The following PTPRZ1 variants were observed in gnomAD, a reference collection of about 807,000 sequenced individuals.
PTPRZ1 encodes protein tyrosine phosphatase receptor type Z1.
A neutral mutation model predicts 214.1 loss-of-function variants in PTPRZ1; 82 were observed. That is an observed-to-expected ratio of 0.38 (90% confidence interval 0.32 to 0.46). PTPRZ1 has a LOEUF of 0.46. Among genes scored for constraint, PTPRZ1 ranks in the 20% least tolerant of loss-of-function variants. PTPRZ1 has a pLI of 1.00. For synonymous variants in PTPRZ1, 945 were observed against 987.9 expected (o/e 0.96, Z 0.81); for missense variants, 2,603 against 2,748.7 (o/e 0.95, Z 1.19).
intron 13 of PTPRZ1, among the ~76,000 whole-genome samples, chr7:122,019,884 A>C (rs1798964289): frequency 6.6e-6 from 1 of 152,148 alleles, no homozygotes; most frequent in South Asian, 2.1e-4. Context: ...CCCATCATAA[A>C]ATTTCCATCC....
At position 122,019,148 on chromosome 7, in the gene PTPRZ1, C is replaced by G; in HGVS notation, c.4868C>G (p.Ser1623Cys). The G allele has an allele frequency of 6.2e-7, 1 of 1,612,166 alleles. No individual in the cohort carries two copies. The highest frequency in any genetic ancestry group is 1.1e-5 in the South Asian group (1 of 91,024). The change falls in exon 13 of 30, where the codon TCT (serine) becomes TGT (cysteine). Residue 1623 changes from serine (S) to cysteine (C), a missense_variant. Around this residue, in one of 6 missense-constraint regions of PTPRZ1, gnomAD observed 1,913 missense variants for 1,914.3 expected, o/e 1.00. Coordinates refer to ENST00000393386, the MANE Select transcript of PTPRZ1 (RefSeq NM_002851.3). ...GAGGCCAGTAATAGTAGCCATGAGT[C>G]TCGTATTGGTCTAGCTGAGGGGTTG... The part of the protein sequence containing the change: ...EAEASNSSHE[S>C]RIGLAEGLES...
chr7:122,003,309 T>C (rs1427336024), intron 10 of PTPRZ1, among the ~76,000 whole-genome samples: 3 of 152,186 alleles, frequency 2.0e-5, no homozygotes, highest in Non-Finnish European at 4.4e-5. Context: ...GTGAGTACTT[T>C]CCTTTTTAAA....
chr7:122,023,359 G>A (rs1430936858), intron 13 of PTPRZ1, among the ~76,000 whole-genome samples: 1 of 150,246 alleles, frequency 6.7e-6, no homozygotes, highest in African/African-American at 2.5e-5. Context: ...TACCCACCTA[G>A]GACTTGGTTT....
At chr7:122,049,782 G>T (rs2150487310) in intron 23 of PTPRZ1, among the ~76,000 whole-genome samples, 2 of 152,202 alleles carry the variant, frequency 1.3e-5, no homozygotes, top group South Asian at 2.1e-4. Flanking sequence ...ATGTAGAACA[G>T]ATTTTAATTT....
intron 6 of PTPRZ1, among the ~76,000 whole-genome samples, chr7:121,978,078 C>T (rs1434401326): frequency 3.3e-5 from 5 of 152,114 alleles, no homozygotes; most frequent in Non-Finnish European, 7.4e-5. Flanking sequence ...GGCACTCATA[C>T]GAGCTTGAGA....
Position 121,976,182 on chromosome 7 carries a change from T to A in PTPRZ1, c.466T>A (p.Tyr156Asn), listed in dbSNP as rs778511812. ...ATTGTTACTTTTATAGATGCAAATC[T>A]ACTGCTTTGATGCGGACCGATTTTC... ...GQKFPLEMQI[Y>N]CFDADRFSSF... is the part of the protein sequence containing the mutation. Residue 156 changes from tyrosine to asparagine, a missense_variant, in exon 5 of 30, where the codon TAC becomes AAC. By Grantham distance (143) the Tyr-to-Asn change is moderately radical. This residue lies in a region of PTPRZ1 where 244 missense variants were observed against 333.2 expected (regional missense o/e 0.73). Transcript: ENST00000393386. 6.2e-7 allele frequency: 1 copy of A among 1,603,264 alleles called. No homozygotes were observed. The highest frequency in any genetic ancestry group is 8.5e-7 in the Non-Finnish European group (1 of 1,171,876).
chr7:122,059,250 C>T (rs980558405), intron 28 of PTPRZ1: 2 of 188,502 alleles, frequency 1.1e-5, no homozygotes, highest in African/African-American at 4.7e-5. Flanking sequence ...ACCAGAGAGG[C>T]ATTTTCAGTC....
chr7:122,006,971 C>T (rs75176711), intron 11 of PTPRZ1, among the ~76,000 whole-genome samples: 85 of 151,980 alleles, frequency 5.6e-4, no homozygotes, highest in South Asian at 1.0e-3. Context: ...ATGCTGTGGC[C>T]TCTGTAATGA....
chr7:122,041,068 G>C (rs1799716801), intron 21 of PTPRZ1, 89 bp downstream of exon 21: 1 of 1,198,968 alleles, frequency 8.3e-7, no homozygotes, highest in Admixed American at 2.8e-5. Flanking sequence ...GCCCAAATGG[G>C]AATGATTTCT....
At chr7:121,876,627 A>C (rs991408171) in intron 1 of PTPRZ1, among the ~76,000 whole-genome samples, 2 of 152,214 alleles carry the variant, frequency 1.3e-5, no homozygotes, top group African/African-American at 4.8e-5. Flanking sequence ...CATATAAAAA[A>C]TATTCATGCC....
chr7:122,031,365 T>C (rs1799364375), intron 14 of PTPRZ1, 109 bp from the exon 15 acceptor site: 9 of 748,322 alleles, frequency 1.2e-5, no homozygotes, highest in Non-Finnish European at 2.3e-6. Context: ...TGAGATTTAG[T>C]TAGAATTATA....
intron 2 of PTPRZ1, among the ~76,000 whole-genome samples, chr7:121,935,557 TTTGTTTG>T (rs1796061273): frequency 6.7e-6 from 1 of 149,984 alleles, no homozygotes; most frequent in African/African-American, 2.5e-5. Context: ...TGTTTGTTTG[TTTGTTTG>T]TTTGTTTGTT....
chr7:122,059,463 G>T, intron 28 of PTPRZ1: 1 of 215,484 alleles, frequency 4.6e-6, no homozygotes, highest in Non-Finnish European at 8.0e-6. Flanking sequence ...GTCTTTATAT[G>T]ATACTCTCAG....
At chr7:121,934,487 CAAAAAAA>C (rs529475632) in intron 2 of PTPRZ1, among the ~76,000 whole-genome samples, 2,893 of 77,118 alleles carry the variant, frequency 0.038, 37 homozygotes, top group East Asian at 0.12. Context: ...GACTCCGTCT[CAAAAAAA>C]AAAAAAAAAA....
intron 1 of PTPRZ1, among the ~76,000 whole-genome samples, chr7:121,879,625 A>G (rs1005547742): frequency 2.0e-5 from 3 of 152,232 alleles, no homozygotes; most frequent in Non-Finnish European, 4.4e-5. Context: ...AACTCTGCAC[A>G]TAGCAAATAT....
Position 122,013,347 on chromosome 7 carries a change from G to C in PTPRZ1, c.4301G>C (p.Ser1434Thr). 1 of 1,613,978 alleles carries C rather than the reference G, an allele frequency of 6.2e-7. No individual in the cohort carries two copies. The highest frequency in any genetic ancestry group is 1.3e-5 in the African/African-American group (1 of 74,956). Residue 1434 changes from serine (S) to threonine (T), a missense_variant, in exon 12 of 30, where the codon AGT becomes ACT. By Grantham distance (58) the Ser-to-Thr change is moderately conservative. Coordinates refer to ENST00000393386, the MANE Select transcript of PTPRZ1 (RefSeq NM_002851.3). ...DGDDDDDDRGSDGLSIHKCMS... is the reference protein window; with the variant it reads ...DGDDDDDDRGTDGLSIHKCMS... ...GATGATGATGATGATGACAGAGGTA[G>C]TGATGGCTTATCCATTCATAAGTGT... is the stretch of plus-strand genomic sequence containing the variant.
At position 121,887,952 on chromosome 7, in the gene PTPRZ1, A is replaced by G. The variant is rs369502716; in HGVS notation, c.58+14395A>G. 6.6e-5 allele frequency among the ~76,000 whole-genome samples: 10 copies of G among 152,200 alleles called. No individual in the cohort carries two copies. In the East Asian group the frequency reaches 1.2e-3, roughly 18 times the overall value. On this transcript the variant is annotated intron_variant, in intron 1 of 29. Coordinates refer to ENST00000393386, the MANE Select transcript of PTPRZ1 (RefSeq NM_002851.3). ...TTCTACCAAGAACAAGATCTGAGAT[A>G]TGTGAGATCCTGTTTGATTCAAGCT...
chr7:121,990,227 T>A (rs1797907075), intron 8 of PTPRZ1, among the ~76,000 whole-genome samples: 1 of 152,194 alleles, frequency 6.6e-6, no homozygotes, highest in South Asian at 2.1e-4. Context: ...AAATGTATTT[T>A]TAGAAATACA....
Position 122,013,825 on chromosome 7 carries a change from C to G in PTPRZ1, c.4779C>G (p.Phe1593Leu). The G allele has an allele frequency of 6.2e-7, 1 of 1,613,992 alleles. No individual in the cohort carries two copies. ...GTGACTCAGAAATAACTCCTGGATT[C>G]CCACAGTCCCCAACATCATCTGTTA... Reference protein sequence around the residue: ...AAGDSEITPGFPQSPTSSVTS... With the variant: ...AAGDSEITPGLPQSPTSSVTS... The change falls in exon 12 of 30, where the codon TTC (phenylalanine) becomes TTG (leucine). Residue 1593 changes from phenylalanine (F) to leucine (L), a missense_variant. Around this residue, in one of 6 missense-constraint regions of PTPRZ1, gnomAD observed 1,913 missense variants for 1,914.3 expected, o/e 1.00. Transcript: ENST00000393386.
Sources: gnomAD v4.1 joint callset for allele counts (sites outside exome capture counted in the v4.1 genomes callset) on GRCh38, gnomAD v4.1.1 for gene constraint, gnomAD v4.1.1 regional missense constraint, MANE v1.5 for transcripts, NCBI Gene and HGNC (gene_info 2026-07-23, HGNC 2026-07-21) for gene names.